Variants in OLFM3 observed in about 807,000 individuals in gnomAD.
OLFM3 encodes the protein olfactomedin 3, also known as noelin-3.
Under a neutral mutation model 48.6 loss-of-function variants are expected in OLFM3, and 20 were observed. That is an observed-to-expected ratio of 0.41 (90% confidence interval 0.29 to 0.60). OLFM3 has a LOEUF of 0.60. OLFM3 is among the 20% of genes least tolerant of loss of function. The probability of loss-of-function intolerance (pLI) is 0.28; values close to 1 mark genes in which losing one functional copy is unlikely to be tolerated. For missense variants in OLFM3, 437 were observed against 544.3 expected (o/e 0.80, Z 1.96); for synonymous variants, 222 against 198.1 (o/e 1.12, Z -1.01).
chr1:101,844,693 G>A (rs1275838224), intron 1 of OLFM3, among the ~76,000 whole-genome samples: 1 of 152,090 alleles, frequency 6.6e-6, no homozygotes, highest in Non-Finnish European at 1.5e-5. Context: ...GATAACACAT[G>A]GTGGAGGCCC....
At position 101,996,919 on chromosome 1, in the gene OLFM3, AGCC is replaced by A; in HGVS notation, c.-106_-104del. 8.0e-7 allele frequency: 1 copy of A among 1,251,124 alleles called. No individual in the cohort carries two copies. The highest frequency in any genetic ancestry group is 1.2e-6 in the Non-Finnish European group (1 of 864,732). 77.5% of individuals were successfully genotyped at this position (1,251,124 alleles called of 1,614,324 possible). ...GTTGCACTTTCTGCCTGCCAGTCAG[AGCC>A]GAGTGGAAGCAGAGGCGGCGGCAGC... On this transcript the variant is annotated 5_prime_UTR_variant, in exon 1 of 6. Coordinates refer to ENST00000370103, the MANE Select transcript of OLFM3 (RefSeq NM_058170.4).
chr1:101,822,579 T>C (rs984646059), intron 4 of OLFM3, among the ~76,000 whole-genome samples: 2 of 152,136 alleles, frequency 1.3e-5, no homozygotes, highest in Admixed American at 6.6e-5. Context: ...CTACAGATTG[T>C]CACTTGCAGA....
chr1:101,863,232 C>G (rs1656726048), intron 1 of OLFM3, among the ~76,000 whole-genome samples: 3 of 152,184 alleles, frequency 2.0e-5, no homozygotes, highest in African/African-American at 7.2e-5. Context: ...CCTTCCCCTC[C>G]CAAAGTGCTG....
Position 101,934,805 on chromosome 1 carries a change from C to T in OLFM3, c.69+61943G>A, listed in dbSNP as rs147562371. Among the ~76,000 whole-genome samples, 879 of 151,612 alleles carry T rather than the reference C, an allele frequency of 5.8e-3. 8 individuals carry two copies. The highest frequency in any genetic ancestry group is 0.02 in the African/African-American group (825 of 41,388). On this transcript the variant is annotated intron_variant, in intron 1 of 5. Transcript: ENST00000370103. The stretch of plus-strand genomic sequence containing the variant: ...AACACAATAAAAACAGAAATCAATA[C>T]TAAGAAAACCACTCAAACTCATGCA...
chr1:101,814,661 T>C (rs1654241800), intron 4 of OLFM3, among the ~76,000 whole-genome samples: 2 of 152,198 alleles, frequency 1.3e-5, no homozygotes, highest in Admixed American at 6.5e-5. Context: ...GTTGGGGACA[T>C]GGGTTAAAGA....
At chr1:101,860,727 T>C (rs1264155805) in intron 1 of OLFM3, among the ~76,000 whole-genome samples, 2 of 152,126 alleles carry the variant, frequency 1.3e-5, no homozygotes, top group South Asian at 4.1e-4. Context: ...TAAATAGCAT[T>C]AGGTAGTCTT....
intron 3 of OLFM3, 99 bp from the exon 4 acceptor site, chr1:101,825,344 T>C (rs1359125036): frequency 2.1e-6 from 2 of 934,772 alleles, no homozygotes; most frequent in South Asian, 3.8e-5. Flanking sequence ...TTAAAACAGC[T>C]TCAACATTTC....
chr1:101,965,259 A>G (rs1316657698), intron 1 of OLFM3, among the ~76,000 whole-genome samples: 1 of 152,198 alleles, frequency 6.6e-6, no homozygotes. Context: ...GCTAACGGGA[A>G]CTAACCTTCA....
At chr1:101,930,740 C>T (rs1340029673) in intron 1 of OLFM3, among the ~76,000 whole-genome samples, 3 of 152,156 alleles carry the variant, frequency 2.0e-5, no homozygotes, top group African/African-American at 4.8e-5. Flanking sequence ...AGAGGAGCTG[C>T]CGTTATGATC....
intron 1 of OLFM3, among the ~76,000 whole-genome samples, chr1:101,990,887 AG>A (rs1468989099): frequency 6.8e-6 from 1 of 147,344 alleles, no homozygotes; most frequent in Non-Finnish European, 1.5e-5. Context: ...CAGGAGGCTG[AG>A]GCAGGAGAAT....
At chr1:101,865,651 T>C (rs1025651449) in intron 1 of OLFM3, among the ~76,000 whole-genome samples, 1 of 152,154 alleles carries the variant, frequency 6.6e-6, no homozygotes. Context: ...TCTACAATCA[T>C]TAGTATCTAT....
At chr1:101,930,555 A>C (rs1056809951) in intron 1 of OLFM3, among the ~76,000 whole-genome samples, 1 of 152,174 alleles carries the variant, frequency 6.6e-6, no homozygotes, top group African/African-American at 2.4e-5. Flanking sequence ...TTAATTCATG[A>C]AGAAGTATGT....
At chr1:101,931,121 G>C (rs1659431173) in intron 1 of OLFM3, among the ~76,000 whole-genome samples, 1 of 152,112 alleles carries the variant, frequency 6.6e-6, no homozygotes, top group African/African-American at 2.4e-5. Context: ...AAGAGTTTTT[G>C]TTTCCAAGCC....
chr1:101,922,312 A>G (rs952383232), intron 1 of OLFM3, among the ~76,000 whole-genome samples: 10 of 152,208 alleles, frequency 6.6e-5, no homozygotes, highest in African/African-American at 2.4e-4. Flanking sequence ...CTTAATAAAT[A>G]TTGGCTCTTA....
intron 2 of OLFM3, among the ~76,000 whole-genome samples, chr1:101,834,621 T>C (rs1372457947): frequency 6.6e-6 from 1 of 152,218 alleles, no homozygotes; most frequent in Non-Finnish European, 1.5e-5. Flanking sequence ...CAGGCCACTG[T>C]AAAAGAGTGC....
intron 1 of OLFM3, among the ~76,000 whole-genome samples, chr1:101,870,964 GA>G (rs534285354): frequency 5.9e-4 from 89 of 151,204 alleles, no homozygotes; most frequent in Admixed American, 1.1e-3. Flanking sequence ...GAAAAAAAAA[GA>G]AAAAAAGAAA....
intron 1 of OLFM3, among the ~76,000 whole-genome samples, chr1:101,867,683 T>C (rs1208258789): frequency 6.6e-6 from 1 of 152,242 alleles, no homozygotes; most frequent in South Asian, 2.1e-4. Flanking sequence ...AACAACTGTT[T>C]GACTCAAAGA....
intron 1 of OLFM3, among the ~76,000 whole-genome samples, chr1:101,967,591 A>G (rs1050374798): frequency 1.1e-4 from 5 of 47,008 alleles, no homozygotes; most frequent in South Asian, 6.1e-4. Flanking sequence ...CTAGTCAGTG[A>G]AAAAAAAAAA....
At chr1:101,859,010 C>A (rs545611941) in intron 1 of OLFM3, among the ~76,000 whole-genome samples, 1 of 151,950 alleles carries the variant, frequency 6.6e-6, no homozygotes, top group Non-Finnish European at 1.5e-5. Flanking sequence ...GAAGGAAAGG[C>A]CATTTCAACA....
Sources: allele counts gnomAD v4.1 joint callset (sites outside exome capture counted in the v4.1 genomes callset), GRCh38; gene constraint gnomAD v4.1.1; transcripts MANE v1.5; gene names NCBI Gene and HGNC (gene_info 2026-07-23, HGNC 2026-07-21).